The following SPTLC3 variants were observed in gnomAD, a reference collection of about 807,000 sequenced individuals.
SPTLC3 encodes serine palmitoyltransferase long chain base subunit 3, also known as serine palmitoyltransferase 3.
In SPTLC3, 36 loss-of-function variants were observed where a neutral mutation model predicts 59.3. That is an observed-to-expected ratio of 0.61 (90% CI 0.47 to 0.80). The LOEUF (loss-of-function observed/expected upper bound fraction) is 0.80, where lower values mean the gene tolerates loss of function less well. Ranked by LOEUF, SPTLC3 falls within the 30% of genes least tolerant of loss-of-function variation. The probability of loss-of-function intolerance (pLI) is 0.00; values close to 1 mark genes in which losing one functional copy is unlikely to be tolerated. For missense variants in SPTLC3, 625 were observed against 685.1 expected (o/e 0.91, Z 0.98); for synonymous variants, 257 against 240.8 (o/e 1.07, Z -0.62).
intron 9 of SPTLC3, among the ~76,000 whole-genome samples, chr20:13,150,167 A>G (rs2038610295): frequency 6.6e-6 from 1 of 151,382 alleles, no homozygotes; most frequent in Non-Finnish European, 1.5e-5. Context: ...ATCTCCCCCT[A>G]CTCTTTATGT....
intron 9 of SPTLC3, among the ~76,000 whole-genome samples, chr20:13,149,685 C>T (rs1157683320): frequency 1.3e-5 from 2 of 152,164 alleles, no homozygotes; most frequent in Non-Finnish European, 2.9e-5. Flanking sequence ...AAGAATAAAA[C>T]ATTTAGTTCT....
intron 1 of SPTLC3, among the ~76,000 whole-genome samples, chr20:13,043,091 A>C (rs1339690990): frequency 6.6e-6 from 1 of 152,240 alleles, no homozygotes; most frequent in Non-Finnish European, 1.5e-5. Flanking sequence ...GCTACAATGT[A>C]GGCAGAGACT....
At chr20:13,138,543 A>G (rs1013400625) in intron 9 of SPTLC3, among the ~76,000 whole-genome samples, 3 of 152,208 alleles carry the variant, frequency 2.0e-5, no homozygotes, top group African/African-American at 7.2e-5. Flanking sequence ...TTAAGCATCA[A>G]ATACGTGAGT....
intron 11 of SPTLC3, among the ~76,000 whole-genome samples, chr20:13,162,590 G>A (rs1374801225): frequency 6.6e-6 from 1 of 152,166 alleles, no homozygotes; most frequent in Non-Finnish European, 1.5e-5. Context: ...TTAGACAAAT[G>A]CACTCTGCGA....
intron 1 of SPTLC3, among the ~76,000 whole-genome samples, chr20:13,031,844 G>A (rs1288214480): frequency 6.6e-6 from 1 of 152,140 alleles, no homozygotes; most frequent in Non-Finnish European, 1.5e-5. Context: ...TAACTTTTAT[G>A]TTTCTTTCGG....
At chr20:13,160,172 C>T (rs2038866198) in intron 11 of SPTLC3, 40 bp downstream of exon 11, 4 of 1,570,246 alleles carry the variant, frequency 2.5e-6, no homozygotes, top group African/African-American at 2.7e-5. Flanking sequence ...AGTACCAGTA[C>T]CTTGGATTCA....
intron 9 of SPTLC3, among the ~76,000 whole-genome samples, chr20:13,144,703 G>A (rs756839472): frequency 6.6e-6 from 1 of 152,198 alleles, no homozygotes; most frequent in Non-Finnish European, 1.5e-5. Flanking sequence ...TTTTCTGAAA[G>A]GTCCAACCTA....
intron 2 of SPTLC3, among the ~76,000 whole-genome samples, chr20:13,060,016 C>T (rs1017838810): frequency 6.6e-6 from 1 of 152,146 alleles, no homozygotes; most frequent in Non-Finnish European, 1.5e-5. Context: ...TCGTACTTTC[C>T]CCTTTCCCCT....
At chr20:13,155,689 G>T (rs1056666516) in intron 10 of SPTLC3, among the ~76,000 whole-genome samples, 2 of 151,754 alleles carry the variant, frequency 1.3e-5, no homozygotes, top group Non-Finnish European at 2.9e-5. Flanking sequence ...AGCCGGGCGT[G>T]GTGGTGGGTG....
At position 13,154,070 on chromosome 20, in the gene SPTLC3, A is replaced by T. The variant is rs1207578746; in HGVS notation, c.1347A>T (p.Gly449=). ...RYFRQRLQEM[G]FIIYGNENAS... ...TCAGACAAAGACTGCAGGAAATGGG[A>T]TTCATTATCTATGGCAATGAGAATG... is the stretch of plus-strand genomic sequence containing the variant. The change falls in exon 10 of 12, where the codon GGA becomes GGT. Residue 449 remains glycine, a synonymous_variant. Coordinates refer to ENST00000399002, the MANE Select transcript of SPTLC3 (RefSeq NM_018327.4). The T allele has an allele frequency of 6.2e-7, 1 of 1,614,156 alleles. No individual in the cohort carries two copies. The highest frequency in any genetic ancestry group is 1.7e-5 in the Admixed American group (1 of 60,018).
At chr20:13,089,619 C>A (rs1345702038) in intron 4 of SPTLC3, among the ~76,000 whole-genome samples, 1 of 151,858 alleles carries the variant, frequency 6.6e-6, no homozygotes, top group Non-Finnish European at 1.5e-5. Flanking sequence ...AACCTCGTCT[C>A]TACTAAAATA....
intron 11 of SPTLC3, among the ~76,000 whole-genome samples, chr20:13,162,925 A>G (rs1277862966): frequency 6.6e-6 from 1 of 152,138 alleles, no homozygotes; most frequent in Non-Finnish European, 1.5e-5. Flanking sequence ...AGCAAGCTAA[A>G]GAAACCTAAC....
At chr20:13,027,772 A>G (rs1323880854) in intron 1 of SPTLC3, among the ~76,000 whole-genome samples, 1 of 152,174 alleles carries the variant, frequency 6.6e-6, no homozygotes, top group African/African-American at 2.4e-5. Flanking sequence ...CGATTCTAAA[A>G]GCCTCAAAGA....
intron 5 of SPTLC3, among the ~76,000 whole-genome samples, chr20:13,091,868 T>G (rs1164200148): frequency 6.6e-6 from 1 of 152,208 alleles, no homozygotes; most frequent in African/African-American, 2.4e-5. Context: ...CCCATTTATT[T>G]TTTCATTCAA....
At chr20:13,090,205 A>G (rs746348197) in intron 4 of SPTLC3, among the ~76,000 whole-genome samples, 19 of 152,198 alleles carry the variant, frequency 1.2e-4, no homozygotes, top group Non-Finnish European at 2.1e-4. Flanking sequence ...AGAGATTGTA[A>G]AGAGATAAAA....
At chr20:13,085,617 T>C (rs1429705145) in intron 4 of SPTLC3, among the ~76,000 whole-genome samples, 1 of 152,124 alleles carries the variant, frequency 6.6e-6, no homozygotes, top group East Asian at 1.9e-4. Context: ...AAAAGAAGAA[T>C]TGGTAGTTGT....
intron 1 of SPTLC3, among the ~76,000 whole-genome samples, chr20:13,027,641 GCACACACACACACACACA>G (rs57913044): frequency 5.6e-5 from 8 of 144,138 alleles, no homozygotes; most frequent in Non-Finnish European, 1.1e-4. Context: ...ATTTCAGCAC[GCACACACACACACACACA>G]CACACACACA....
intron 6 of SPTLC3, among the ~76,000 whole-genome samples, chr20:13,101,464 A>T (rs114639072): frequency 0.013 from 2,022 of 152,284 alleles, 39 homozygotes; most frequent in African/African-American, 0.046. Context: ...AGAATGCTGA[A>T]GTTTGGCCTC....
chr20:13,094,458 C>T (rs1046118085), intron 6 of SPTLC3, among the ~76,000 whole-genome samples: 1 of 152,084 alleles, frequency 6.6e-6, no homozygotes. Flanking sequence ...CTCTTTCTTC[C>T]TTACCACCTT....
Sources: allele counts gnomAD v4.1 joint callset (sites outside exome capture counted in the v4.1 genomes callset), GRCh38; gene constraint gnomAD v4.1.1; transcripts MANE v1.5; gene names NCBI Gene and HGNC (gene_info 2026-07-23, HGNC 2026-07-21).